TRHDE: variants seen among roughly 807,000 people sequenced by gnomAD.
TRHDE encodes thyrotropin releasing hormone degrading enzyme.
Under a neutral mutation model 125.7 loss-of-function variants are expected in TRHDE, and 72 were observed. The ratio of observed to expected loss-of-function variants is 0.57; its 90% confidence interval spans 0.47 to 0.70. The LOEUF is 0.70. Among genes scored for constraint, TRHDE ranks in the 30% least tolerant of loss-of-function variants. The probability of loss-of-function intolerance (pLI) is 0.00; values close to 1 mark genes in which losing one functional copy is unlikely to be tolerated. For missense variants in TRHDE, 1,110 were observed against 1,327.1 expected (o/e 0.84, Z 2.54); for synonymous variants, 509 against 509.1 (o/e 1.00, Z 0.00).
intron 3 of TRHDE, among the ~76,000 whole-genome samples, chr12:72,447,154 A>G (rs1488885802): frequency 6.6e-6 from 1 of 152,154 alleles, no homozygotes; most frequent in Non-Finnish European, 1.5e-5. Context: ...AACAGAAATT[A>G]TAACAAACTG....
At chr12:72,617,586 C>T (rs1468496674) in intron 12 of TRHDE, among the ~76,000 whole-genome samples, 2 of 151,638 alleles carry the variant, frequency 1.3e-5, no homozygotes, top group African/African-American at 2.4e-5. Flanking sequence ...TTGTAGCTTT[C>T]GTGGTTCCCT....
intron 10 of TRHDE, among the ~76,000 whole-genome samples, chr12:72,574,091 A>T (rs866468043): frequency 1.4e-4 from 21 of 152,204 alleles, no homozygotes; most frequent in Middle Eastern, 6.8e-3. Context: ...ATGGTCATTT[A>T]TGTCCACCCA....
In TRHDE at chr12:72,664,217, A is replaced by C. The variant is rs1279573602; in HGVS notation, c.*1022A>C. 6.6e-6 allele frequency: 1 copy of C among 152,520 alleles called. No homozygotes were observed. The highest frequency in any genetic ancestry group is 1.5e-5 in the Non-Finnish European group (1 of 68,014). The allele number at this position is 152,520 out of a possible 1,614,324, so 9.4% of individuals were successfully genotyped here. On this transcript the variant is annotated 3_prime_UTR_variant, in exon 19 of 19. Transcript: ENST00000261180. ...AAAGTTCCTTTTGCATGAAACAATT[A>C]TGCAAACTTATAATTATTAGTGCTG...
chr12:72,533,723 G>GTTTTTTTTTTT, intron 6 of TRHDE, among the ~76,000 whole-genome samples: 65 of 97,760 alleles, frequency 6.6e-4, no homozygotes, highest in Middle Eastern at 5.8e-3. Context: ...TTTTCTATTT[G>GTTTTTTTTTTT]TTTTTTTTTT....
intron 3 of TRHDE, among the ~76,000 whole-genome samples, chr12:72,456,760 C>T (rs904044761): frequency 6.6e-6 from 1 of 152,010 alleles, no homozygotes; most frequent in Non-Finnish European, 1.5e-5. Context: ...TTATAAAATA[C>T]AATTTAGGAG....
intron 12 of TRHDE, among the ~76,000 whole-genome samples, chr12:72,579,689 A>G (rs1160981141): frequency 6.6e-6 from 1 of 152,052 alleles, no homozygotes; most frequent in Non-Finnish European, 1.5e-5. Flanking sequence ...ATTTTGAAAT[A>G]TTCTATTTTT....
In TRHDE at chr12:72,563,051, C is replaced by G. The variant is rs373860280; in HGVS notation, c.2042+11C>G. 1.3e-6 allele frequency: 2 copies of G among 1,534,206 alleles called. No homozygotes were observed. Among genetic ancestry groups the G allele is most frequent in the African/African-American group, 2.8e-5 (2 of 71,450 alleles). ...ACTTCAGAATAACAGGTATGACATT[C>G]TTTTTTACGTGAAAAATATTGTTTT... On this transcript the variant is annotated intron_variant, in intron 9 of 18. Coordinates refer to ENST00000261180, the MANE Select transcript of TRHDE (RefSeq NM_013381.3).
At chr12:72,559,539 CTT>C (rs1357505003) in intron 7 of TRHDE, among the ~76,000 whole-genome samples, 7 of 152,062 alleles carry the variant, frequency 4.6e-5, no homozygotes, top group Non-Finnish European at 7.4e-5. Context: ...TGGTATGTCT[CTT>C]AAGAATATTC....
At chr12:72,465,343 C>T (rs12311242) in intron 3 of TRHDE, among the ~76,000 whole-genome samples, 14,938 of 152,076 alleles carry the variant, frequency 0.098, 921 homozygotes, top group African/African-American at 0.16. Context: ...TCATCACTCC[C>T]AAAAGTTTCC....
chr12:72,559,067 A>C lies in TRHDE; in HGVS notation c.1789-3098A>C, dbSNP rs1870053764. Among the ~76,000 whole-genome samples the C allele has an allele frequency of 2.6e-5, 4 of 152,254 alleles. No individual in the cohort carries two copies. The South Asian group carries it at 8.3e-4, about 32-fold the overall frequency. ...GATTGAATGAGATAAAATATAAGGC[A>C]ACTCGCACAGTGTTAAAAAGGAGAC... On this transcript the variant is annotated intron_variant, in intron 7 of 18. Transcript: ENST00000261180.
At position 72,107,292 on chromosome 12, in the gene TRHDE, C is replaced by T. The variant is rs11179082; in HGVS notation, n.279+1540C>T. ...ATTGGCAGCTTTGTTTTTTACTTGT[C>T]GGAAGTTCATTTCCAATTATCCTCA... On this transcript the variant is annotated intron_variant and non_coding_transcript_variant, in intron 2 of 4. Coordinates refer to the TRHDE transcript ENST00000548156. 1.5e-3 allele frequency among the ~76,000 whole-genome samples: 233 copies of T among 152,138 alleles called. 3 individuals carry two copies. In the East Asian group the frequency reaches 0.032, roughly 21 times the overall value.
chr12:72,621,729 T>G lies in TRHDE; in HGVS notation c.2653T>G (p.Trp885Gly). ...ACAGGCATCAACACTTATTTCAGATTGGATTTCCAGCAACAGGAACAGGTA... is the reference window on the plus strand; with the variant it reads ...ACAGGCATCAACACTTATTTCAGATGGGATTTCCAGCAACAGGAACAGGTA... ...HQQASTLISD[W>G]ISSNRNRIPL... The change falls in exon 15 of 19, where the codon TGG (tryptophan) becomes GGG (glycine). Residue 885 changes from tryptophan to glycine, a missense_variant. Physicochemically the swap from Trp to Gly is radical, Grantham distance 184 (BLOSUM62 -2). This residue lies in a region of TRHDE where 527 missense variants were observed against 651.8 expected (regional missense o/e 0.81). Coordinates refer to ENST00000261180, the MANE Select transcript of TRHDE (RefSeq NM_013381.3). 1 of 1,604,222 alleles carries G rather than the reference T, an allele frequency of 6.2e-7. No individual in the cohort carries two copies. The highest frequency in any genetic ancestry group is 2.3e-5 in the East Asian group (1 of 44,062).
chr12:72,177,218 T>C (rs886779183), intron 2 of TRHDE, among the ~76,000 whole-genome samples: 1 of 152,224 alleles, frequency 6.6e-6, no homozygotes, highest in African/African-American at 2.4e-5. Flanking sequence ...TTGCTTATAT[T>C]TATAGTTCTT....
intron 2 of TRHDE, among the ~76,000 whole-genome samples, chr12:72,330,676 G>A (rs1869552747): frequency 2.0e-5 from 3 of 152,146 alleles, no homozygotes; most frequent in African/African-American, 7.2e-5. Context: ...TCATACACAG[G>A]GCAGGACAGT....
intron 2 of TRHDE, among the ~76,000 whole-genome samples, chr12:72,229,004 T>G (rs1878196047): frequency 6.6e-6 from 1 of 152,152 alleles, no homozygotes; most frequent in Non-Finnish European, 1.5e-5. Flanking sequence ...CTCTAGGGAG[T>G]TCCAAACTTT....
At chr12:72,340,930 G>A (rs1438043725) in intron 2 of TRHDE, among the ~76,000 whole-genome samples, 1 of 151,962 alleles carries the variant, frequency 6.6e-6, no homozygotes, top group Non-Finnish European at 1.5e-5. Flanking sequence ...CCTCCCACTG[G>A]GTACAATCTT....
At chr12:72,523,594 G>A (rs1868284477) in intron 6 of TRHDE, among the ~76,000 whole-genome samples, 1 of 152,102 alleles carries the variant, frequency 6.6e-6, no homozygotes, top group South Asian at 2.1e-4. Flanking sequence ...TCTACAATAT[G>A]TTTTATAAAA....
chr12:72,297,286 G>GACT (rs1176312263), intron 2 of TRHDE, among the ~76,000 whole-genome samples: 1 of 152,114 alleles, frequency 6.6e-6, no homozygotes, highest in Non-Finnish European at 1.5e-5. Context: ...CAGGGGTGAA[G>GACT]ACTACAAGTC....
At chr12:72,572,191 C>T (rs758993574) in intron 10 of TRHDE, among the ~76,000 whole-genome samples, 3 of 152,124 alleles carry the variant, frequency 2.0e-5, no homozygotes, top group Non-Finnish European at 4.4e-5. Flanking sequence ...CACATTTTTA[C>T]TCTGGTTGAC....
Sources: gnomAD v4.1 joint callset for allele counts (sites outside exome capture counted in the v4.1 genomes callset) on GRCh38, gnomAD v4.1.1 for gene constraint, gnomAD v4.1.1 regional missense constraint, MANE v1.5 for transcripts, NCBI Gene and HGNC (gene_info 2026-07-23, HGNC 2026-07-21) for gene names.